The following GSC2 variants were observed in gnomAD, a reference collection of about 807,000 sequenced individuals.
GSC2 encodes the protein homeobox protein goosecoid-2.
GSC2 carries 12 observed loss-of-function variants against 11.3 expected under a neutral mutation model. The observed-to-expected ratio is 1.06, with a 90% CI of 0.68 to 1.72. The LOEUF is 1.72. Ranked by LOEUF, GSC2 falls within the 40% of genes most tolerant of loss-of-function variation. GSC2 has a pLI of 0.00. For missense variants in GSC2, 310 were observed against 235.7 expected (o/e 1.32, Z -2.06); for synonymous variants, 148 against 110.0 (o/e 1.35, Z -2.16).
In GSC2 at chr22:19,148,821, C is replaced by G. The variant is rs370394891; in HGVS notation, c.*170G>C. The G allele has an allele frequency of 3.7e-6, 2 of 545,238 alleles. No individual in the cohort carries two copies. Among genetic ancestry groups the G allele is most frequent in the South Asian group, 2.4e-5 (1 of 41,260 alleles). 33.8% of individuals were successfully genotyped at this position (545,238 alleles called of 1,614,324 possible). ...CGTGGAACACCAAGCACCGGGGGCC[C>G]GTCCCCAGCGCCACGGCAGCACGAG... On this transcript the variant is annotated 3_prime_UTR_variant, in exon 3 of 3. Coordinates refer to ENST00000086933, the MANE Select transcript of GSC2 (RefSeq NM_005315.2).
At position 19,148,935 on chromosome 22, in the gene GSC2, C is replaced by A; in HGVS notation, c.*56G>T. 1 of 1,067,392 alleles carries A rather than the reference C, an allele frequency of 9.4e-7. No homozygotes were observed. The highest frequency in any genetic ancestry group is 1.4e-6 in the Non-Finnish European group (1 of 719,378). The allele number at this position is 1,067,392 out of a possible 1,614,324, so 66.1% of individuals were successfully genotyped here. A position where few individuals can be genotyped will look rare whatever the true frequency, so the allele number is the denominator to read the frequency against. Reference sequence around the variant, plus strand: ...CGGGTAGACCTGTCTTCTCTCAGCGCCAACTCCAAAGATCCCAAAAAGGGT... The same window carrying A: ...CGGGTAGACCTGTCTTCTCTCAGCGACAACTCCAAAGATCCCAAAAAGGGT... On this transcript the variant is annotated 3_prime_UTR_variant, in exon 3 of 3. Coordinates refer to ENST00000086933, the MANE Select transcript of GSC2 (RefSeq NM_005315.2).
chr22:19,149,133 C>T, intron 2 of GSC2, 38 bp from the exon 3 acceptor site: 1 of 1,267,276 alleles, frequency 7.9e-7, no homozygotes, highest in Non-Finnish European at 1.1e-6. Flanking sequence ...AGCCCCAGGT[C>T]CTGCGTCCCA....
In GSC2 at chr22:19,150,279, G is replaced by T. The variant is rs1367061413; in HGVS notation, c.5C>A (p.Ala2Glu). Reference protein sequence around the residue: MAAAAGGAASRR... With the variant: MEAAAGGAASRR... ...GCTCGCCGCGCCCCCAGCCGCTGCC[G>T]CCATGCCCGGCCCGGCCGGGGCGCC... is the stretch of plus-strand genomic sequence containing the variant. Residue 2 changes from alanine (A) to glutamate (E), a missense_variant, in exon 1 of 3, where the codon GCG becomes GAG. Physicochemically the swap from Ala to Glu is moderately radical, Grantham distance 107. Transcript: ENST00000086933. 5.0e-5 allele frequency: 9 copies of T among 180,072 alleles called. No individual in the cohort carries two copies. The highest frequency in any genetic ancestry group is 8.8e-5 in the Non-Finnish European group (8 of 90,706). 11.2% of individuals were successfully genotyped at this position (180,072 alleles called of 1,614,324 possible).
chr22:19,149,051 G>A lies in GSC2; in HGVS notation c.558C>T (p.Arg186=). The change falls in exon 3 of 3, where the codon CGC becomes CGT. Residue 186 remains arginine, a synonymous_variant. Coordinates refer to ENST00000086933, the MANE Select transcript of GSC2 (RefSeq NM_005315.2). ...GCAGGAGCCTCGCGGAAGCCGACGC[G>A]CGCTTCTGGTGTCGCCATTTGGCCC... ...NRRAKWRHQK[R]ASASARLLPG... is the part of the protein sequence containing the mutation. The A allele has an allele frequency of 6.2e-7, 1 of 1,602,122 alleles. No homozygotes were observed. The highest frequency in any genetic ancestry group is 8.5e-7 in the Non-Finnish European group (1 of 1,174,628).
rs534735722 is a variant in GSC2, at chr22:19,148,248, C to T, written c.*743G>A. On this transcript the variant is annotated 3_prime_UTR_variant, in exon 3 of 3. Transcript: ENST00000086933. ...GCACCCTGGTGCAGAGACTGAGGAT[C>T]GCTGAGCTGTGCTCCTCTCAAAGAC... is the stretch of plus-strand genomic sequence containing the variant. 1.3e-5 allele frequency among the ~76,000 whole-genome samples: 2 copies of T among 152,288 alleles called. No homozygotes were observed. Among genetic ancestry groups the T allele is most frequent in the Middle Eastern group, 3.4e-3 (1 of 294 alleles).
chr22:19,147,713 G>A lies in GSC2; in HGVS notation c.*1278C>T, dbSNP rs1555917636. Among the ~76,000 whole-genome samples the A allele has an allele frequency of 6.6e-6, 1 of 152,120 alleles. No individual in the cohort carries two copies. Among genetic ancestry groups the A allele is most frequent in the Admixed American group, 6.5e-5 (1 of 15,282 alleles). ...CAGTGTCAGGGCAGTTCTGACTGGG[G>A]ACACCATGCTTGCTTGGTGTTATCC... On this transcript the variant is annotated 3_prime_UTR_variant, in exon 3 of 3. Transcript: ENST00000086933.
At position 19,148,916 on chromosome 22, in the gene GSC2, G is replaced by A. The variant is rs1555917806; in HGVS notation, c.*75C>T. The A allele has an allele frequency of 1.1e-6, 1 of 872,042 alleles. No homozygotes were observed. The highest frequency in any genetic ancestry group is 1.7e-5 in the African/African-American group (1 of 58,408). The allele number at this position is 872,042 out of a possible 1,614,324, so 54.0% of individuals were successfully genotyped here. ...TACTCTCCCAGCTCCTTTTCGGGTA[G>A]ACCTGTCTTCTCTCAGCGCCAACTC... On this transcript the variant is annotated 3_prime_UTR_variant, in exon 3 of 3. Coordinates refer to ENST00000086933, the MANE Select transcript of GSC2 (RefSeq NM_005315.2).
At chr22:19,149,992 C>T (rs1482120482) in intron 1 of GSC2, 33 bp downstream of exon 1, 3 of 1,116,922 alleles carry the variant, frequency 2.7e-6, no homozygotes, top group Non-Finnish European at 2.2e-6. Flanking sequence ...CCGGGCTCCG[C>T]CGGGCCCCGC....
rs2083819468 is a variant in GSC2 at position 19,150,021 on chromosome 22, TCACC to T, written c.259_259+3del. 9.6e-7 allele frequency: 1 copy of T among 1,040,950 alleles called. No individual in the cohort carries two copies. The highest frequency in any genetic ancestry group is 5.7e-5 in the Admixed American group (1 of 17,678). 64.5% of individuals were successfully genotyped at this position (1,040,950 alleles called of 1,614,324 possible). On this transcript the variant is annotated splice_donor_variant and splice_donor_region_variant and coding_sequence_variant and intron_variant, in exon 1 of 3. Transcript: ENST00000086933. LOFTEE classifies it high-confidence loss of function. ...GCCCCGCGCCCCGCTCCGCGCCCAC[TCACC>T]CAGCCCGGCGGCCGCCTCTGGGGGC...
At chr22:19,149,447 G>T (rs2083813657) in intron 2 of GSC2, among the ~76,000 whole-genome samples, 1 of 152,248 alleles carries the variant, frequency 6.6e-6, no homozygotes, top group Non-Finnish European at 1.5e-5. Context: ...GAAAAGAAAA[G>T]TAGCCCTCCG....
At position 19,148,731 on chromosome 22, in the gene GSC2, G is replaced by C. The variant is rs1310082899; in HGVS notation, c.*260C>G. ...CGGTGGAGTTAGTGTCTCTCGGGGGGTAGGGAGCTGAGGAAACTGCTCTAT... is the reference window on the plus strand; with the variant it reads ...CGGTGGAGTTAGTGTCTCTCGGGGGCTAGGGAGCTGAGGAAACTGCTCTAT... On this transcript the variant is annotated 3_prime_UTR_variant, in exon 3 of 3. Coordinates refer to ENST00000086933, the MANE Select transcript of GSC2 (RefSeq NM_005315.2). The C allele has an allele frequency of 4.4e-6, 2 of 459,450 alleles. No homozygotes were observed. Among genetic ancestry groups the C allele is most frequent in the African/African-American group, 4.1e-5 (2 of 49,156 alleles). The allele number at this position is 459,450 out of a possible 1,614,324, so 28.5% of individuals were successfully genotyped here.
At position 19,149,090 on chromosome 22, in the gene GSC2, C is replaced by A. The variant is rs1555917856; in HGVS notation, c.519G>T (p.Trp173Cys). ...IRLREERVEV[W>C]FKNRRAKWRH... ...GCCATTTGGCCCGGCGGTTCTTGAA[C>A]CAGACCTGGGGATGGGGGGAATGCT... The change falls in exon 3 of 3, where the codon TGG (tryptophan) becomes TGT (cysteine). Residue 173 changes from tryptophan (W) to cysteine (C), a missense_variant. Coordinates refer to ENST00000086933, the MANE Select transcript of GSC2 (RefSeq NM_005315.2). 6.3e-7 allele frequency: 1 copy of A among 1,579,430 alleles called. No individual in the cohort carries two copies. The highest frequency in any genetic ancestry group is 8.6e-7 in the Non-Finnish European group (1 of 1,160,516).
Position 19,149,050 on chromosome 22 carries a change from C to A in GSC2, c.559G>T (p.Ala187Ser). 6.2e-7 allele frequency: 1 copy of A among 1,602,132 alleles called. No homozygotes were observed. The highest frequency in any genetic ancestry group is 1.1e-5 in the South Asian group (1 of 89,024). The change falls in exon 3 of 3, where the codon GCG becomes TCG. Residue 187 changes from alanine to serine, a missense_variant. Ala to Ser is a moderately conservative substitution (Grantham distance 99). Coordinates refer to ENST00000086933, the MANE Select transcript of GSC2 (RefSeq NM_005315.2). ...GGCAGGAGCCTCGCGGAAGCCGACG[C>A]GCGCTTCTGGTGTCGCCATTTGGCC... is the stretch of plus-strand genomic sequence containing the variant. ...RRAKWRHQKR[A>S]SASARLLPGV...
rs1365822743 is a variant in GSC2 at position 19,149,888 on chromosome 22, C to T, written c.288G>A (p.Leu96=). 2 of 1,404,862 alleles carry T rather than the reference C, an allele frequency of 1.4e-6. No individual in the cohort carries two copies. The highest frequency in any genetic ancestry group is 1.8e-6 in the Non-Finnish European group (2 of 1,087,066). 87.0% of individuals were successfully genotyped at this position (1,404,862 alleles called of 1,614,324 possible). Residue 96 remains leucine, a synonymous_variant, in exon 2 of 3, where the codon CTG becomes CTA. Transcript: ENST00000086933. ...LGARLAWPLR[L]GPAVPLSLGA... ...CCAGAGACAAGGGCACCGCCGGTCC[C>T]AGCCTCAGCGGCCACGCCAGACGAG...
rs1170239990 is a variant in GSC2 at position 19,147,278 on chromosome 22, T to G, written c.*1713A>C. On this transcript the variant is annotated 3_prime_UTR_variant, in exon 3 of 3. Transcript: ENST00000086933. ...TGGCAGAAAGATGGGAATTGGAGTC[T>G]GAGGGTAAAAGATAAACCGGGAAGA... Among the ~76,000 whole-genome samples, 1 of 152,062 alleles carries G rather than the reference T, an allele frequency of 6.6e-6. No homozygotes were observed. The highest frequency in any genetic ancestry group is 2.4e-5 in the African/African-American group (1 of 41,390).
rs534791164 is a variant in GSC2, at chr22:19,147,791, C to T, written c.*1200G>A. ...GAGCTGCAGCCCTGGCTTCTGCAGT[C>T]CTGCTTTTAGAGATGGACTTCATCT... On this transcript the variant is annotated 3_prime_UTR_variant, in exon 3 of 3. Coordinates refer to ENST00000086933, the MANE Select transcript of GSC2 (RefSeq NM_005315.2). Among the ~76,000 whole-genome samples the T allele has an allele frequency of 1.3e-5, 2 of 152,226 alleles. No individual in the cohort carries two copies. The highest frequency in any genetic ancestry group is 4.1e-4 in the South Asian group (2 of 4,824).
chr22:19,149,966 C>T lies in GSC2; in HGVS notation c.260-50G>A, dbSNP rs2083818899. On this transcript the variant is annotated intron_variant, in intron 1 of 2. Transcript: ENST00000086933. The stretch of plus-strand genomic sequence containing the variant: ...CGCGGGGCTGGGGCCAAGCTCGGCA[C>T]CCACTGCGCCGCGCCCCGGGCTCCG... 34 of 1,194,604 alleles carry T rather than the reference C, an allele frequency of 2.8e-5. No individual in the cohort carries two copies. The South Asian group carries it at 1.2e-3, about 41-fold the overall frequency. The allele number at this position is 1,194,604 out of a possible 1,614,324, so 74.0% of individuals were successfully genotyped here.
At chr22:19,149,491 C>G (rs536717197) in intron 2 of GSC2, among the ~76,000 whole-genome samples, 172 bp downstream of exon 2, 1 of 152,362 alleles carries the variant, frequency 6.6e-6, no homozygotes, top group Admixed American at 6.5e-5. Flanking sequence ...TGCTCTCACC[C>G]GCTCCTCATA....
intron 2 of GSC2, 31 bp downstream of exon 2, chr22:19,149,632 G>T: frequency 1.3e-6 from 2 of 1,497,828 alleles, no homozygotes; most frequent in South Asian, 2.5e-5. Flanking sequence ...CGGCCCGCGC[G>T]CTCCGGGGAA....
Sources: allele counts gnomAD v4.1 joint callset (sites outside exome capture counted in the v4.1 genomes callset), GRCh38; gene constraint gnomAD v4.1.1; transcripts MANE v1.5; gene names NCBI Gene and HGNC (gene_info 2026-07-23, HGNC 2026-07-21).